Variants in ADGRG3 observed in about 807,000 individuals in gnomAD.
The protein encoded by ADGRG3 is adhesion G protein-coupled receptor G3.
In ADGRG3, 39 loss-of-function variants were observed where a neutral mutation model predicts 54.3. The observed-to-expected ratio is 0.72, with a 90% CI of 0.56 to 0.94. The LOEUF is 0.94. Ranked by LOEUF, ADGRG3 falls within the 40% of genes least tolerant of loss-of-function variation. ADGRG3 has a pLI of 0.00. For missense variants in ADGRG3, 654 were observed against 694.6 expected, an observed-to-expected ratio of 0.94 and a Z score of 0.66; for synonymous variants, 312 against 290.0, an observed-to-expected ratio of 1.08 and a Z score of -0.77.
intron 4 of ADGRG3, 192 bp from the exon 5 acceptor site, chr16:57,678,985 G>A (rs2048314550): frequency 1.6e-6 from 1 of 634,206 alleles, no homozygotes; most frequent in Admixed American, 2.9e-5. Flanking sequence ...ACCTGGCCCA[G>A]CCCAAGCAGG....
chr16:57,682,384 G>A (rs1265907150), intron 8 of ADGRG3: 1 of 629,964 alleles, frequency 1.6e-6, no homozygotes, highest in African/African-American at 2.0e-5. Context: ...GTGCCTCTGT[G>A]TCAGCATTTG....
rs1242176257 is a variant in ADGRG3, at chr16:57,688,585, T to C, written c.*124T>C. On this transcript the variant is annotated 3_prime_UTR_variant, in exon 12 of 12. Transcript: ENST00000333493. Reference sequence around the variant, plus strand: ...ACAATGTGGCTGGGGAGGGAGAGGATGGGACCAGGTTGGACCACGTGGCAT... The same window carrying C: ...ACAATGTGGCTGGGGAGGGAGAGGACGGGACCAGGTTGGACCACGTGGCAT... 2 of 711,902 alleles carry C rather than the reference T, an allele frequency of 2.8e-6. No individual in the cohort carries two copies. The highest frequency in any genetic ancestry group is 1.7e-5 in the African/African-American group (1 of 57,576). The allele number at this position is 711,902 out of a possible 1,614,324, so 44.1% of individuals were successfully genotyped here.
intron 4 of ADGRG3, chr16:57,678,956 A>G: frequency 1.7e-6 from 1 of 589,248 alleles, no homozygotes; most frequent in Non-Finnish European, 3.0e-6. Flanking sequence ...TGTCAGGTGC[A>G]CAGCTTTGCA....
At chr16:57,679,515 C>A (rs1464221589) in intron 5 of ADGRG3, among the ~76,000 whole-genome samples, 1 of 152,132 alleles carries the variant, frequency 6.6e-6, no homozygotes, top group Non-Finnish European at 1.5e-5. Context: ...GCAAGCCCAC[C>A]TGCATACACA....
chr16:57,684,155 A>T lies in ADGRG3; in HGVS notation c.1105A>T (p.Arg369Trp). The change falls in exon 9 of 12, where the codon AGG becomes TGG. Residue 369 changes from arginine (R) to tryptophan (W), a missense_variant. Transcript: ENST00000333493. ...CTTCCACCTCTACCTGCTCGCTGTC[A>T]GGGTCTTCAACACCTACTTCGGGCA... The part of the protein sequence containing the change: ...EAFHLYLLAV[R>W]VFNTYFGHYF... 2 of 1,614,010 alleles carry T rather than the reference A, an allele frequency of 1.2e-6. No homozygotes were observed. Among genetic ancestry groups the T allele is most frequent in the Non-Finnish European group, 1.7e-6 (2 of 1,179,966 alleles).
chr16:57,673,476 G>T lies in ADGRG3; in HGVS notation c.206+8G>T. The T allele has an allele frequency of 6.3e-7, 1 of 1,594,548 alleles. No individual in the cohort carries two copies. Among genetic ancestry groups the T allele is most frequent in the Non-Finnish European group, 8.6e-7 (1 of 1,163,934 alleles). ...TGTGGAAAACTTGCAGAGGTGAGGG[G>T]GCCCCCTGAGCTGGAGGGGGAATCT... On this transcript the variant is annotated splice_region_variant and intron_variant, in intron 2 of 11. Coordinates refer to ENST00000333493, the MANE Select transcript of ADGRG3 (RefSeq NM_170776.5).
chr16:57,683,986 G>A lies in ADGRG3; in HGVS notation c.936G>A (p.Leu312=). 6.2e-7 allele frequency: 1 copy of A among 1,602,584 alleles called. No individual in the cohort carries two copies. The highest frequency in any genetic ancestry group is 8.5e-7 in the Non-Finnish European group (1 of 1,172,152). Reference sequence around the variant, plus strand: ...ATGCCCCAAAGATCCACGTGGCCCTGGGTGGCAGCCTGTTCCTCCTGAATC... The same window carrying A: ...ATGCCCCAAAGATCCACGTGGCCCTAGGTGGCAGCCTGTTCCTCCTGAATC... ...SEDAPKIHVA[L]GGSLFLLNLA... The change falls in exon 9 of 12, where the codon CTG becomes CTA. Residue 312 remains leucine, a synonymous_variant. Coordinates refer to ENST00000333493, the MANE Select transcript of ADGRG3 (RefSeq NM_170776.5).
At chr16:57,674,587 A>G (rs1183924567) in intron 2 of ADGRG3, 1 of 455,714 alleles carries the variant, frequency 2.2e-6, no homozygotes, top group East Asian at 7.0e-5. Flanking sequence ...TCCCACCTGC[A>G]GGTGATCCAG....
chr16:57,676,241 T>C lies in ADGRG3; in HGVS notation c.248T>C (p.Leu83Ser), dbSNP rs2048261200. The change falls in exon 3 of 12, where the codon TTG becomes TCG. Residue 83 changes from leucine to serine, a missense_variant. Transcript: ENST00000333493. The part of the protein sequence containing the change: ...NYEAHLMKEG[L>S]TQKVNTPFLK... ...GAGGCCCATCTGATGAAGGAAGGTT[T>C]GACGCAGAAGGTGAACACGCCTTTC... The C allele has an allele frequency of 3.7e-6, 6 of 1,614,122 alleles. No homozygotes were observed. The highest frequency in any genetic ancestry group is 5.1e-6 in the Non-Finnish European group (6 of 1,179,988).
intron 1 of ADGRG3, 114 bp from the exon 2 acceptor site, chr16:57,673,207 G>A (rs1368754145): frequency 8.1e-6 from 8 of 989,458 alleles, no homozygotes; most frequent in Non-Finnish European, 1.2e-5. Context: ...GATGCATGGA[G>A]CTGGAATTCT....
intron 2 of ADGRG3, among the ~76,000 whole-genome samples, chr16:57,675,758 G>A (rs1034113044): frequency 1.3e-5 from 2 of 152,190 alleles, no homozygotes; most frequent in Admixed American, 6.5e-5. Flanking sequence ...GAGCTATCTG[G>A]AACAGGCAAA....
rs12444859 is a variant in ADGRG3, at chr16:57,688,416, C to T, written c.1605C>T (p.Ser535=). The T allele has an allele frequency of 0.32, 516,202 of 1,610,836 alleles. 84,519 individuals are homozygous for T. The highest frequency in any genetic ancestry group is 0.44 in the African/African-American group (32,655 of 74,790). ...YLPSQSTTVS[S]STARLDQAHS... ...CAAGTCAGAGCACCACAGTCTCCTC[C>T]TCTACTGCAAGATTGGACCAGGCCC... Residue 535 remains serine (S), a synonymous_variant, in exon 12 of 12, where the codon TCC becomes TCT. Coordinates refer to ENST00000333493, the MANE Select transcript of ADGRG3 (RefSeq NM_170776.5).
At position 57,685,819 on chromosome 16, in the gene ADGRG3, C is replaced by A. The variant is rs773376219; in HGVS notation, c.1433C>A (p.Thr478Asn). Residue 478 changes from threonine (T) to asparagine (N), a missense_variant, in exon 11 of 12, where the codon ACC (threonine) becomes AAC (asparagine). Thr to Asn is a moderately conservative substitution (Grantham distance 65). Transcript: ENST00000333493. ...ERGKNRKKVL[T>N]LLGLSSLVGV... ...GGGAAGAACCGGAAGAAGGTGCTCA[C>A]CCTGCTGGGCCTCTCGAGCCTGGTG... 9.3e-6 allele frequency: 15 copies of A among 1,614,082 alleles called. No individual in the cohort carries two copies. The highest frequency in any genetic ancestry group is 1.3e-5 in the Non-Finnish European group (15 of 1,180,048).
intron 11 of ADGRG3, 89 bp downstream of exon 11, chr16:57,686,015 C>A: frequency 7.6e-7 from 1 of 1,313,016 alleles, no homozygotes; most frequent in Admixed American, 1.8e-5. Context: ...TTGCAAGACA[C>A]AGGACTCTGT....
chr16:57,671,752 GA>G (rs1567851264), intron 1 of ADGRG3, among the ~76,000 whole-genome samples: 2 of 152,194 alleles, frequency 1.3e-5, no homozygotes, highest in African/African-American at 4.8e-5. Context: ...TCTTATGGCA[GA>G]TTGTGAAAAA....
intron 2 of ADGRG3, among the ~76,000 whole-genome samples, 180 bp from the exon 3 acceptor site, chr16:57,676,020 G>A (rs775049603): frequency 6.6e-6 from 1 of 152,156 alleles, no homozygotes; most frequent in Non-Finnish European, 1.5e-5. Context: ...TCAGAGGGAC[G>A]CCTAGCTGGA....
chr16:57,680,374 C>A lies in ADGRG3; in HGVS notation c.768+9C>A. 6.2e-7 allele frequency: 1 copy of A among 1,607,484 alleles called. No homozygotes were observed. The highest frequency in any genetic ancestry group is 8.5e-7 in the Non-Finnish European group (1 of 1,174,504). On this transcript the variant is annotated intron_variant, in intron 7 of 11. Transcript: ENST00000333493. ...TTTTCGCCCTGCTCCTGGTAACAGC[C>A]CCCTCCACTCTGATCCCAGCCATCC...
At chr16:57,671,727 T>C (rs886388493) in intron 1 of ADGRG3, among the ~76,000 whole-genome samples, 1 of 152,186 alleles carries the variant, frequency 6.6e-6, no homozygotes. Flanking sequence ...GCTGAAAAGA[T>C]GCACACTCAA....
At chr16:57,680,457 G>A (rs1347885842) in intron 7 of ADGRG3, 48 bp from the exon 8 acceptor site, 3 of 1,575,098 alleles carry the variant, frequency 1.9e-6, no homozygotes, top group Non-Finnish European at 2.6e-6. Context: ...TTGGGTATAT[G>A]GGCCTGGCCT....
Sources: gnomAD v4.1 joint callset for allele counts (sites outside exome capture counted in the v4.1 genomes callset) on GRCh38, gnomAD v4.1.1 for gene constraint, MANE v1.5 for transcripts, NCBI Gene and HGNC (gene_info 2026-07-23, HGNC 2026-07-21) for gene names.